The following KDM4B variants were observed in gnomAD, a reference collection of about 807,000 sequenced individuals.
KDM4B encodes lysine-specific demethylase 4B.
Under a neutral mutation model 125.2 loss-of-function variants are expected in KDM4B, and 32 were observed. That is an observed-to-expected ratio of 0.26 (90% CI 0.19 to 0.34). The LOEUF (loss-of-function observed/expected upper bound fraction) is 0.34, where lower values mean the gene tolerates loss of function less well. Ranked by LOEUF, KDM4B falls within the 10% of genes least tolerant of loss-of-function variation. KDM4B has a pLI of 1.00. For synonymous variants in KDM4B, 721 were observed against 677.9 expected (o/e 1.06, Z -0.99); for missense variants, 1,190 against 1,577.7 (o/e 0.75, Z 4.16).
chr19:4,985,197 G>A lies in KDM4B; in HGVS notation c.-109+15967G>A, dbSNP rs536122096. 6.6e-5 allele frequency among the ~76,000 whole-genome samples: 10 copies of A among 152,174 alleles called. No individual in the cohort carries two copies. The South Asian group carries it at 1.7e-3, about 25-fold the overall frequency. On this transcript the variant is annotated intron_variant, in intron 1 of 22. Transcript: ENST00000159111. ...AAATTAGCCCAGCATGGTGGTGCAC[G>A]CCCGCAGTCCCAGCTACTCGGGAGG...
chr19:5,109,858 T>C (rs2039106626), intron 9 of KDM4B, among the ~76,000 whole-genome samples: 1 of 152,224 alleles, frequency 6.6e-6, no homozygotes, highest in Non-Finnish European at 1.5e-5. Context: ...GGGACTGCTG[T>C]TGTCTCCCTT....
chr19:5,150,008 CTG>C (rs2039918168), intron 21 of KDM4B, among the ~76,000 whole-genome samples: 1 of 152,206 alleles, frequency 6.6e-6, no homozygotes, highest in African/African-American at 2.4e-5. Flanking sequence ...ACCAGTGACT[CTG>C]TCACCTTGTC....
chr19:5,057,068 G>A (rs970218453), intron 6 of KDM4B, among the ~76,000 whole-genome samples: 2 of 137,996 alleles, frequency 1.4e-5, no homozygotes, highest in Admixed American at 6.9e-5. Context: ...GTGTGTGTGC[G>A]CGCGCGCGCG....
intron 6 of KDM4B, among the ~76,000 whole-genome samples, chr19:5,063,002 C>T (rs1055698446): frequency 3.3e-5 from 5 of 151,382 alleles, no homozygotes; most frequent in African/African-American, 7.3e-5. Context: ...CTTGGTAAAC[C>T]CTTTGTCTTT....
intron 9 of KDM4B, among the ~76,000 whole-genome samples, chr19:5,092,195 C>A (rs2038722520): frequency 6.6e-6 from 1 of 152,188 alleles, no homozygotes; most frequent in South Asian, 2.1e-4. Context: ...CGTTTAGTCT[C>A]TCCCTCGGCA....
intron 1 of KDM4B, among the ~76,000 whole-genome samples, chr19:4,994,020 G>GTTTTT (rs55641886): frequency 7.2e-3 from 480 of 66,396 alleles, no homozygotes; most frequent in Middle Eastern, 0.017. Context: ...TTTTCAGCCT[G>GTTTTT]TTTTTTTTTT....
At chr19:5,096,074 A>G (rs1014519225) in intron 9 of KDM4B, among the ~76,000 whole-genome samples, 5 of 149,768 alleles carry the variant, frequency 3.3e-5, no homozygotes, top group Admixed American at 1.3e-4. Flanking sequence ...GCCGGTGTAC[A>G]GTGTGGGGAA....
chr19:5,022,806 G>A (rs1282556095), intron 2 of KDM4B, among the ~76,000 whole-genome samples: 2 of 152,016 alleles, frequency 1.3e-5, no homozygotes, highest in Non-Finnish European at 2.9e-5. Flanking sequence ...GAGGTGTGCC[G>A]GGCAGGAGTG....
intron 2 of KDM4B, among the ~76,000 whole-genome samples, chr19:5,031,224 G>A (rs994269241): frequency 2.0e-5 from 3 of 152,248 alleles, no homozygotes; most frequent in African/African-American, 7.2e-5. Flanking sequence ...ATTGGGTACT[G>A]GGACCTGGCT....
At chr19:5,044,496 T>C (rs985362880) in intron 5 of KDM4B, among the ~76,000 whole-genome samples, 4 of 152,190 alleles carry the variant, frequency 2.6e-5, no homozygotes, top group Admixed American at 6.5e-5. Flanking sequence ...ACATTTGGGC[T>C]GTGTTCTCTT....
chr19:5,064,203 G>A (rs1175545186), intron 6 of KDM4B, among the ~76,000 whole-genome samples: 2 of 152,208 alleles, frequency 1.3e-5, no homozygotes, highest in Admixed American at 6.5e-5. Flanking sequence ...CTGGGCTTGC[G>A]TGGGTGGCTC....
intron 9 of KDM4B, among the ~76,000 whole-genome samples, chr19:5,105,361 G>C (rs560765124): frequency 6.6e-6 from 1 of 152,376 alleles, no homozygotes; most frequent in South Asian, 2.1e-4. Context: ...TCTGTGGGAC[G>C]TGGTGTTCAC....
rs1374318202 is a variant in KDM4B, at chr19:5,152,533, C to T, written c.*1022C>T. On this transcript the variant is annotated 3_prime_UTR_variant, in exon 23 of 23. Coordinates refer to ENST00000159111, the MANE Select transcript of KDM4B (RefSeq NM_015015.3). Reference sequence around the variant, plus strand: ...GTACAACCCTGAGCAGGTCGGGGGACACAGGGCCGAGGCAGGCCTTCGGGG... The same window carrying T: ...GTACAACCCTGAGCAGGTCGGGGGATACAGGGCCGAGGCAGGCCTTCGGGG... 6.6e-6 allele frequency: 1 copy of T among 152,292 alleles called. No individual in the cohort carries two copies. The highest frequency in any genetic ancestry group is 1.5e-5 in the Non-Finnish European group (1 of 68,088). The allele number at this position is 152,292 out of a possible 1,614,324, so 9.4% of individuals were successfully genotyped here. A position where few individuals can be genotyped will look rare whatever the true frequency, so the allele number is the denominator to read the frequency against.
At chr19:5,096,886 G>T (rs373260144) in intron 9 of KDM4B, among the ~76,000 whole-genome samples, 2 of 152,226 alleles carry the variant, frequency 1.3e-5, no homozygotes, top group African/African-American at 4.8e-5. Context: ...TTCTGGATTT[G>T]CCTTAATAGC....
intron 6 of KDM4B, among the ~76,000 whole-genome samples, chr19:5,055,928 C>T (rs1293496525): frequency 1.3e-5 from 2 of 152,092 alleles, no homozygotes; most frequent in Non-Finnish European, 2.9e-5. Context: ...ATTGATGGGC[C>T]AACACTGATG....
At chr19:5,057,063 T>TGTGTGTGTGTGTGTGC (rs1555701553) in intron 6 of KDM4B, among the ~76,000 whole-genome samples, 1 of 134,364 alleles carries the variant, frequency 7.4e-6, no homozygotes, top group African/African-American at 2.8e-5. Context: ...TGTGTGTGTG[T>TGTGTGTGTGTGTGTGC]GTGCGCGCGC....
At chr19:5,050,397 T>C (rs2037181761) in intron 6 of KDM4B, among the ~76,000 whole-genome samples, 2 of 152,246 alleles carry the variant, frequency 1.3e-5, no homozygotes, top group African/African-American at 4.8e-5. Context: ...AGCCAGCACC[T>C]GCAACTTCCC....
At chr19:5,105,262 G>A (rs759967928) in intron 9 of KDM4B, among the ~76,000 whole-genome samples, 23 of 152,368 alleles carry the variant, frequency 1.5e-4, no homozygotes, top group Admixed American at 5.2e-4. Context: ...TGGGGCGCGC[G>A]CAGCTGCCAC....
At chr19:5,077,276 A>G (rs1348794971) in intron 7 of KDM4B, 91 bp from the exon 8 acceptor site, 4 of 1,076,656 alleles carry the variant, frequency 3.7e-6, no homozygotes, top group Non-Finnish European at 5.5e-6. Flanking sequence ...TCTCCATGGG[A>G]GGAAAGAGCC....
Sources: allele counts gnomAD v4.1 joint callset (sites outside exome capture counted in the v4.1 genomes callset), GRCh38; gene constraint gnomAD v4.1.1; transcripts MANE v1.5; gene names NCBI Gene and HGNC (gene_info 2026-07-23, HGNC 2026-07-21).